Variants in EPHB2 observed in about 807,000 individuals in gnomAD.
EPHB2 encodes the protein ephrin type-B receptor 2.
A neutral mutation model predicts 96.4 loss-of-function variants in EPHB2; 18 were observed. The ratio of observed to expected loss-of-function variants is 0.19; its 90% CI spans 0.13 to 0.28. The LOEUF is 0.28. EPHB2 is among the 10% of genes least tolerant of loss of function. The pLI is 1.00. For synonymous variants in EPHB2, 506 were observed against 534.1 expected (o/e 0.95, Z 0.72); for missense variants, 989 against 1,355.4 (o/e 0.73, Z 4.25).
Position 22,767,692 on chromosome 1 carries a change from C to G in EPHB2, c.62-13729C>G, listed in dbSNP as rs78445686. 1.6e-3 allele frequency among the ~76,000 whole-genome samples: 244 copies of G among 152,236 alleles called. 8 individuals carry two copies. The East Asian group carries it at 0.04, about 25-fold the overall frequency. ...CCATGTCCTCCTTCCCACCACTGGCCCAGGGTGCCCCTCTTCCCCCTGTGT... is the reference window on the plus strand; with the variant it reads ...CCATGTCCTCCTTCCCACCACTGGCGCAGGGTGCCCCTCTTCCCCCTGTGT... On this transcript the variant is annotated intron_variant, in intron 1 of 15. Coordinates refer to ENST00000374630, the MANE Select transcript of EPHB2 (RefSeq NM_017449.5).
chr1:22,826,337 C>T (rs1645223773), intron 3 of EPHB2, among the ~76,000 whole-genome samples: 1 of 152,212 alleles, frequency 6.6e-6, no homozygotes, highest in Admixed American at 6.5e-5. Flanking sequence ...CAGAATATAG[C>T]TCACACTTTC....
At chr1:22,896,517 T>C in intron 9 of EPHB2, 39 bp downstream of exon 9, 5 of 1,613,042 alleles carry the variant, frequency 3.1e-6, no homozygotes, top group Non-Finnish European at 4.2e-6. Flanking sequence ...CCTTGGGCCC[T>C]TCACTGTCGG....
Position 22,913,253 on chromosome 1 carries a change from C to G in EPHB2, c.2853-209C>G. The G allele has an allele frequency of 1.6e-6, 1 of 636,794 alleles. No homozygotes were observed. 39.4% of individuals were successfully genotyped at this position (636,794 alleles called of 1,614,324 possible). A position where few individuals can be genotyped will look rare whatever the true frequency, so the allele number is the denominator to read the frequency against. ...CCAATAGCAGGGGAGAGAAGGCCCCCTAGGGACCCTGATTCCGACTCAAGT... is the reference window on the plus strand; with the variant it reads ...CCAATAGCAGGGGAGAGAAGGCCCCGTAGGGACCCTGATTCCGACTCAAGT... On this transcript the variant is annotated intron_variant, in intron 15 of 15. Transcript: ENST00000374630. The surrounding 1 kb of genome is among the most constrained non-coding windows in gnomAD (Gnocchi z 4.1).
At chr1:22,737,967 G>A (rs943255245) in intron 1 of EPHB2, among the ~76,000 whole-genome samples, 2 of 152,152 alleles carry the variant, frequency 1.3e-5, no homozygotes, top group East Asian at 3.8e-4. Flanking sequence ...CTGGATCTGG[G>A]TCTCAGGCCA....
chr1:22,712,202 TA>T (rs1205275744), intron 1 of EPHB2, among the ~76,000 whole-genome samples: 1 of 152,210 alleles, frequency 6.6e-6, no homozygotes, highest in Non-Finnish European at 1.5e-5. Context: ...GTATGATTCC[TA>T]CTTCTCTTGA....
chr1:22,861,886 G>A (rs1638269386), intron 3 of EPHB2, among the ~76,000 whole-genome samples: 1 of 152,226 alleles, frequency 6.6e-6, no homozygotes, highest in Non-Finnish European at 1.5e-5. Flanking sequence ...ACAGCACCCA[G>A]GCATAAAATG....
At chr1:22,734,568 T>C (rs1002855975) in intron 1 of EPHB2, among the ~76,000 whole-genome samples, 1 of 151,964 alleles carries the variant, frequency 6.6e-6, no homozygotes, top group African/African-American at 2.4e-5. Flanking sequence ...ATTACAGGTG[T>C]GCACCACTGC....
chr1:22,747,973 C>A (rs146923651), intron 1 of EPHB2, among the ~76,000 whole-genome samples: 36 of 152,308 alleles, frequency 2.4e-4, no homozygotes, highest in Non-Finnish European at 5.0e-4. Flanking sequence ...TAAAGAACCA[C>A]ATTTAAGGGC....
At position 22,898,958 on chromosome 1, in the gene EPHB2, T is replaced by C. The variant is rs563297486; in HGVS notation, c.1765+2480T>C. 1.0e-3 allele frequency among the ~76,000 whole-genome samples: 155 copies of C among 152,154 alleles called. 1 individual carries two copies. The highest frequency in any genetic ancestry group is 3.5e-3 in the African/African-American group (146 of 41,496). ...CAGGCACGGTGGCTCACGCCTGTAATCCCAACACTTTAGGAGGCCAAGGTC... is the reference window on the plus strand; with the variant it reads ...CAGGCACGGTGGCTCACGCCTGTAACCCCAACACTTTAGGAGGCCAAGGTC... On this transcript the variant is annotated intron_variant, in intron 9 of 15. Transcript: ENST00000374630.
rs55743842 is a variant in EPHB2, at chr1:22,741,696, A to AAAAAAAAAC, written c.61+30653_61+30654insAAAAAAAAC. Among the ~76,000 whole-genome samples the AAAAAAAAAC allele has an allele frequency of 5.2e-4, 71 of 137,364 alleles. 5 individuals carry two copies. Among genetic ancestry groups the AAAAAAAAAC allele is most frequent in the Non-Finnish European group, 7.7e-4 (48 of 62,676 alleles). 90.1% of individuals were successfully genotyped at this position (137,364 alleles called of 152,430 possible). Reference sequence around the variant, plus strand: ...CTTCCCAGCAAAAAAAAACAAAAAAACAAAAAACCTCAGTTTCTCACGTTG... The same window carrying AAAAAAAAAC: ...CTTCCCAGCAAAAAAAAACAAAAAAAAAAAAAAACCAAAAAACCTCAGTTTCTCACGTTG... On this transcript the variant is annotated intron_variant, in intron 1 of 15. Transcript: ENST00000374630.
At position 22,740,109 on chromosome 1, in the gene EPHB2, C is replaced by T. The variant is rs562215386; in HGVS notation, c.61+29066C>T. Among the ~76,000 whole-genome samples the T allele has an allele frequency of 3.9e-5, 6 of 152,318 alleles. No homozygotes were observed. The East Asian group carries it at 1.2e-3, about 29-fold the overall frequency. On this transcript the variant is annotated intron_variant, in intron 1 of 15. Coordinates refer to ENST00000374630, the MANE Select transcript of EPHB2 (RefSeq NM_017449.5). ...ATTTGCCTGAGCCCTTCGTTGCTTC[C>T]TTGTACTCAACCTGAGGTCCCTGGT...
At chr1:22,712,321 T>G (rs1385236227) in intron 1 of EPHB2, among the ~76,000 whole-genome samples, 1 of 152,206 alleles carries the variant, frequency 6.6e-6, no homozygotes, top group Non-Finnish European at 1.5e-5. Context: ...CAGCACTCAC[T>G]TAGCTGGGTT....
At chr1:22,885,444 G>T (rs916618991) in intron 6 of EPHB2, among the ~76,000 whole-genome samples, 1 of 152,242 alleles carries the variant, frequency 6.6e-6, no homozygotes, top group Non-Finnish European at 1.5e-5. Flanking sequence ...CGCTGCTGGG[G>T]TTGGCAGGAC....
intron 1 of EPHB2, among the ~76,000 whole-genome samples, chr1:22,712,547 C>T (rs1452367490): frequency 6.6e-6 from 1 of 151,872 alleles, no homozygotes; most frequent in African/African-American, 2.4e-5. Flanking sequence ...GTTTCTCTTT[C>T]GGTAATGAGC....
At chr1:22,793,513 G>A (rs1312232161) in intron 3 of EPHB2, among the ~76,000 whole-genome samples, 6 of 152,146 alleles carry the variant, frequency 3.9e-5, no homozygotes, top group African/African-American at 1.4e-4. Flanking sequence ...AAATGGTGGT[G>A]GTTTTTTTCT....
intron 3 of EPHB2, among the ~76,000 whole-genome samples, chr1:22,832,326 C>G (rs753216661): frequency 6.6e-6 from 1 of 152,184 alleles, no homozygotes; most frequent in Non-Finnish European, 1.5e-5. Context: ...TGGGCTGATT[C>G]ACAATACCGG....
At chr1:22,737,960 G>C (rs1312324036) in intron 1 of EPHB2, among the ~76,000 whole-genome samples, 1 of 152,200 alleles carries the variant, frequency 6.6e-6, no homozygotes, top group Non-Finnish European at 1.5e-5. Flanking sequence ...AATGAGACTG[G>C]ATCTGGGTCT....
At chr1:22,789,830 A>G (rs973590421) in intron 3 of EPHB2, among the ~76,000 whole-genome samples, 92 of 152,336 alleles carry the variant, frequency 6.0e-4, no homozygotes, top group African/African-American at 2.0e-3. Flanking sequence ...GCCGTGCTTC[A>G]GGAAGGGCTT....
chr1:22,890,504 G>T (rs1426836660), intron 6 of EPHB2, among the ~76,000 whole-genome samples: 1 of 151,972 alleles, frequency 6.6e-6, no homozygotes, highest in Non-Finnish European at 1.5e-5. Flanking sequence ...TGAACCTGCT[G>T]CCCCTTCTGC....
Sources: allele counts gnomAD v4.1 joint callset (sites outside exome capture counted in the v4.1 genomes callset), GRCh38; gene constraint gnomAD v4.1.1; non-coding constraint Gnocchi (gnomAD v3.1); transcripts MANE v1.5; gene names NCBI Gene and HGNC (gene_info 2026-07-23, HGNC 2026-07-21).